Variants in TAF10 observed in about 807,000 individuals in gnomAD.
The protein encoded by TAF10 is TATA-box binding protein associated factor 10.
In TAF10, 2 loss-of-function variants were observed where a neutral mutation model predicts 18.1. That is an observed-to-expected ratio of 0.11 (90% CI 0.05 to 0.35). TAF10 has a LOEUF of 0.35. TAF10 is among the 10% of genes least tolerant of loss of function. TAF10 has a pLI of 1.00. For missense variants in TAF10, 293 were observed against 306.9 expected, an observed-to-expected ratio of 0.95 and a Z score of 0.34; for synonymous variants, 158 against 134.6, an observed-to-expected ratio of 1.17 and a Z score of -1.20.
Position 6,608,596 on chromosome 11 carries a change from C to CTTA in TAF10, c.*2323_*2325dup, listed in dbSNP as rs1855179072. ...ATTCTGTCAGTACTACTGTGTGACA[C>CTTA]TTACAGGATTAAGTTCTACATTTGT... is the stretch of plus-strand genomic sequence containing the variant. On this transcript the variant is annotated 3_prime_UTR_variant, in exon 5 of 5. Coordinates refer to ENST00000299424, the MANE Select transcript of TAF10 (RefSeq NM_006284.4). This position sits in a 1 kb window ranked among gnomAD's most constrained non-coding sequence, Gnocchi z 4.9. 1 of 1,340,728 alleles carries CTTA rather than the reference C, an allele frequency of 7.5e-7. No homozygotes were observed. Among genetic ancestry groups the CTTA allele is most frequent in the Non-Finnish European group, 1.1e-6 (1 of 930,960 alleles). 83.1% of individuals were successfully genotyped at this position (1,340,728 alleles called of 1,614,324 possible).
intron 2 of TAF10, 92 bp downstream of exon 2, chr11:6,611,572 T>C: frequency 6.3e-7 from 1 of 1,590,258 alleles, no homozygotes; most frequent in African/African-American, 1.3e-5. Context: ...GAAGAGCGAC[T>C]AGGGGAGCAA....
At chr11:6,611,053 C>T (rs759171209) in intron 4 of TAF10, 42 bp from the exon 5 acceptor site, 25 of 1,608,498 alleles carry the variant, frequency 1.6e-5, no homozygotes, top group East Asian at 4.5e-5. Context: ...ACAGGAATCC[C>T]GGACTTCAAT....
chr11:6,608,728 G>T lies in TAF10; in HGVS notation c.*2194C>A. 1 of 1,614,102 alleles carries T rather than the reference G, an allele frequency of 6.2e-7. No homozygotes were observed. The highest frequency in any genetic ancestry group is 8.5e-7 in the Non-Finnish European group (1 of 1,179,966). ...GCAAATGGGGCCCTTGTCAGCATCT[G>T]TAACAAGTATGGAGAGATGCCTGTG... On this transcript the variant is annotated 3_prime_UTR_variant, in exon 5 of 5. Coordinates refer to ENST00000299424, the MANE Select transcript of TAF10 (RefSeq NM_006284.4). This position sits in a 1 kb window ranked among gnomAD's most constrained non-coding sequence, Gnocchi z 4.9.
In TAF10 at chr11:6,609,063, ACT is replaced by A. The variant is rs1564846869; in HGVS notation, c.*1857_*1858del. On this transcript the variant is annotated 3_prime_UTR_variant, in exon 5 of 5. Transcript: ENST00000299424. ...GAAGCTGGGTACCTGACCTGCCCACACTCTTAGGAAATGGAACCCTGAACAAA... is the reference window on the plus strand; with the variant it reads ...GAAGCTGGGTACCTGACCTGCCCACACTTAGGAAATGGAACCCTGAACAAA... 6.2e-7 allele frequency: 1 copy of A among 1,613,742 alleles called. No individual in the cohort carries two copies. The highest frequency in any genetic ancestry group is 8.5e-7 in the Non-Finnish European group (1 of 1,179,726).
At position 6,609,222 on chromosome 11, in the gene TAF10, T is replaced by G; in HGVS notation, c.*1700A>C. On this transcript the variant is annotated 3_prime_UTR_variant, in exon 5 of 5. Transcript: ENST00000299424. ...ATAAATTACTTGCTTTGTACCTGTT[T>G]TAAGTTTTTCCTCCAGTTAGTGGGC... 1 of 1,602,580 alleles carries G rather than the reference T, an allele frequency of 6.2e-7. No homozygotes were observed. The highest frequency in any genetic ancestry group is 2.2e-5 in the East Asian group (1 of 44,810).
rs1855067969 is a variant in TAF10 at position 6,607,706 on chromosome 11, A to G, written c.*3216T>C. 8.3e-6 allele frequency: 3 copies of G among 360,848 alleles called. No homozygotes were observed. Among genetic ancestry groups the G allele is most frequent in the African/African-American group, 2.1e-5 (1 of 47,714 alleles). The allele number at this position is 360,848 out of a possible 1,614,324, so 22.4% of individuals were successfully genotyped here. A position where few individuals can be genotyped will look rare whatever the true frequency, so the allele number is the denominator to read the frequency against. ...AACAAGTGCTGAAGTAGGGGGACATATAAGATGTGGTGGAAAACAGAAAGG... is the reference window on the plus strand; with the variant it reads ...AACAAGTGCTGAAGTAGGGGGACATGTAAGATGTGGTGGAAAACAGAAAGG... On this transcript the variant is annotated 3_prime_UTR_variant, in exon 5 of 5. Transcript: ENST00000299424.
rs1855481935 is a variant in TAF10, at chr11:6,612,101, G to T, written c.89C>A (p.Pro30His). The T allele has an allele frequency of 4.9e-6, 6 of 1,226,730 alleles. No individual in the cohort carries two copies. In the South Asian group the frequency reaches 1.9e-4, roughly 39 times the overall value. The allele number at this position is 1,226,730 out of a possible 1,614,324, so 76.0% of individuals were successfully genotyped here. Residue 30 changes from proline (P) to histidine (H), a missense_variant, in exon 1 of 5, where the codon CCC (proline) becomes CAC (histidine). Coordinates refer to ENST00000299424, the MANE Select transcript of TAF10 (RefSeq NM_006284.4). The part of the protein sequence containing the change: ...APGPAPPVSA[P>H]AALPSSTAAE... ...GGCGGTGCTGGAGGGCAGCGCGGCGGGAGCCGAGACCGGGGGCGCGGGGCC... is the reference window on the plus strand; with the variant it reads ...GGCGGTGCTGGAGGGCAGCGCGGCGTGAGCCGAGACCGGGGGCGCGGGGCC...
In TAF10 at chr11:6,610,830, G is replaced by A; in HGVS notation, c.*92C>T. The A allele has an allele frequency of 1.3e-6, 2 of 1,483,148 alleles. No individual in the cohort carries two copies. Among genetic ancestry groups the A allele is most frequent in the East Asian group, 2.3e-5 (1 of 44,216 alleles). 91.9% of individuals were successfully genotyped at this position (1,483,148 alleles called of 1,614,324 possible). ...CCACATGGTGTCTCCCAACATGGGA[G>A]GGATCAGCCCCGCCTGTCACAATAA... On this transcript the variant is annotated 3_prime_UTR_variant, in exon 5 of 5. Coordinates refer to ENST00000299424, the MANE Select transcript of TAF10 (RefSeq NM_006284.4).
In TAF10 at chr11:6,609,776, G is replaced by A. The variant is rs372479913; in HGVS notation, c.*1146C>T. The A allele has an allele frequency of 1.9e-5, 30 of 1,614,062 alleles. No individual in the cohort carries two copies. Among genetic ancestry groups the A allele is most frequent in the Non-Finnish European group, 2.4e-5 (28 of 1,180,034 alleles). ...TGAAGTTTGCTTTGGACATGGCAAG[G>A]GGCATGGCCTTCCTACACACACTAG... On this transcript the variant is annotated 3_prime_UTR_variant, in exon 5 of 5. Coordinates refer to ENST00000299424, the MANE Select transcript of TAF10 (RefSeq NM_006284.4).
chr11:6,609,598 T>C lies in TAF10; in HGVS notation c.*1324A>G, dbSNP rs1244048050. 5 of 1,614,088 alleles carry C rather than the reference T, an allele frequency of 3.1e-6. No homozygotes were observed. Among genetic ancestry groups the C allele is most frequent in the Non-Finnish European group, 4.2e-6 (5 of 1,180,048 alleles). ...CATCCTACTCTCATCACACACTGGATGCCGTATGGATCCCTCTACAATGTA... is the reference window on the plus strand; with the variant it reads ...CATCCTACTCTCATCACACACTGGACGCCGTATGGATCCCTCTACAATGTA... On this transcript the variant is annotated 3_prime_UTR_variant, in exon 5 of 5. Transcript: ENST00000299424.
rs183160844 is a variant in TAF10, at chr11:6,609,011, C to T, written c.*1911G>A. 314 of 1,612,642 alleles carry T rather than the reference C, an allele frequency of 1.9e-4. 2 individuals carry two copies. The African/African-American group carries it at 3.6e-3, about 19-fold the overall frequency. Reference sequence around the variant, plus strand: ...AAGAAGGGTTGTAAAAGGAAATAATCCTGGCCTCTTGGGGCTGGGTTAGGG... The same window carrying T: ...AAGAAGGGTTGTAAAAGGAAATAATTCTGGCCTCTTGGGGCTGGGTTAGGG... On this transcript the variant is annotated 3_prime_UTR_variant, in exon 5 of 5. Coordinates refer to ENST00000299424, the MANE Select transcript of TAF10 (RefSeq NM_006284.4).
Position 6,609,327 on chromosome 11 carries a change from A to G in TAF10, c.*1595T>C, listed in dbSNP as rs576804127. ...TGGAAGGGCCGCTGGCAGGGCAATG[A>G]CATTGTCGTGAAGGTGCTGAAGGTT... On this transcript the variant is annotated 3_prime_UTR_variant, in exon 5 of 5. Coordinates refer to ENST00000299424, the MANE Select transcript of TAF10 (RefSeq NM_006284.4). The G allele has an allele frequency of 6.8e-6, 11 of 1,614,148 alleles. No individual in the cohort carries two copies. Among genetic ancestry groups the G allele is most frequent in the Non-Finnish European group, 9.3e-6 (11 of 1,180,022 alleles).
rs1855090341 is a variant in TAF10, at chr11:6,607,924, T to G, written c.*2998A>C. On this transcript the variant is annotated 3_prime_UTR_variant, in exon 5 of 5. Coordinates refer to ENST00000299424, the MANE Select transcript of TAF10 (RefSeq NM_006284.4). The stretch of plus-strand genomic sequence containing the variant: ...CAGCTTTGGGAGTTGCTGGCATGAA[T>G]GAGAATCAAAGTCCTAGAGAGGTAA... 47 of 1,026,504 alleles carry G rather than the reference T, an allele frequency of 4.6e-5. No homozygotes were observed. Among genetic ancestry groups the G allele is most frequent in the Non-Finnish European group, 6.3e-5 (43 of 681,876 alleles). The allele number at this position is 1,026,504 out of a possible 1,614,324, so 63.6% of individuals were successfully genotyped here. A position where few individuals can be genotyped will look rare whatever the true frequency, so the allele number is the denominator to read the frequency against.
rs758462999 is a variant in TAF10, at chr11:6,609,316, G to T, written c.*1606C>A. The T allele has an allele frequency of 1.4e-5, 23 of 1,614,150 alleles. No individual in the cohort carries two copies. The highest frequency in any genetic ancestry group is 1.8e-5 in the Non-Finnish European group (21 of 1,180,026). ...TCCTGCAGCTATGGAAGGGCCGCTG[G>T]CAGGGCAATGACATTGTCGTGAAGG... is the stretch of plus-strand genomic sequence containing the variant. On this transcript the variant is annotated 3_prime_UTR_variant, in exon 5 of 5. Transcript: ENST00000299424.
chr11:6,606,427 T>C lies in TAF10; in HGVS notation c.*4495A>G, dbSNP rs904688221. ...GTTCTACACTATTTCTCTTTAATAC[T>C]TTGCAAAGTCATTTGTTCCATTTTT... On this transcript the variant is annotated 3_prime_UTR_variant, in exon 5 of 5. Transcript: ENST00000299424. 1.3e-5 allele frequency: 2 copies of C among 152,228 alleles called. No individual in the cohort carries two copies. The highest frequency in any genetic ancestry group is 2.9e-5 in the Non-Finnish European group (2 of 68,038). The allele number at this position is 152,228 out of a possible 1,614,324, so 9.4% of individuals were successfully genotyped here.
At position 6,611,791 on chromosome 11, in the gene TAF10, G is replaced by T. The variant is rs775610021; in HGVS notation, c.260C>A (p.Pro87His). 11 of 1,603,588 alleles carry T rather than the reference G, an allele frequency of 6.9e-6. 1 individual carries two copies. The East Asian group carries it at 2.0e-4, about 29-fold the overall frequency. ...CCCGTTAGATATGGCCCCCTCCGGG[G>T]GCGCCGCGCCACCCGCCGACACCGG... ...AAPVSAGGAA[P>H]PEGAISNGVY... Residue 87 changes from proline (P) to histidine (H), a missense_variant, in exon 2 of 5, where the codon CCC becomes CAC. Physicochemically the swap from Pro to His is moderately conservative, Grantham distance 77. Coordinates refer to ENST00000299424, the MANE Select transcript of TAF10 (RefSeq NM_006284.4).
At position 6,608,948 on chromosome 11, in the gene TAF10, G is replaced by T; in HGVS notation, c.*1974C>A. The T allele has an allele frequency of 6.2e-7, 1 of 1,614,214 alleles. No homozygotes were observed. The highest frequency in any genetic ancestry group is 8.5e-7 in the Non-Finnish European group (1 of 1,180,036). On this transcript the variant is annotated 3_prime_UTR_variant, in exon 5 of 5. Transcript: ENST00000299424. This position sits in a 1 kb window ranked among gnomAD's most constrained non-coding sequence, Gnocchi z 4.9. ...CATACAAGGACACATTCTGGAAGGGGACCACCCGCACTCGGCCCCGTGAGT... is the reference window on the plus strand; with the variant it reads ...CATACAAGGACACATTCTGGAAGGGTACCACCCGCACTCGGCCCCGTGAGT...
At position 6,606,409 on chromosome 11, in the gene TAF10, A is replaced by C. The variant is rs1259454859; in HGVS notation, c.*4513T>G. On this transcript the variant is annotated 3_prime_UTR_variant, in exon 5 of 5. Transcript: ENST00000299424. ...TTCACTGGTTCCCATTAGGTTCTAC[A>C]CTATTTCTCTTTAATACTTTGCAAA... is the stretch of plus-strand genomic sequence containing the variant. 1 of 152,218 alleles carries C rather than the reference A, an allele frequency of 6.6e-6. No individual in the cohort carries two copies. Among genetic ancestry groups the C allele is most frequent in the Non-Finnish European group, 1.5e-5 (1 of 68,016 alleles). The allele number at this position is 152,218 out of a possible 1,614,324, so 9.4% of individuals were successfully genotyped here.
rs927377191 is a variant in TAF10, at chr11:6,606,618, G to A, written c.*4304C>T. The A allele has an allele frequency of 1.3e-5, 2 of 152,228 alleles. No homozygotes were observed. Among genetic ancestry groups the A allele is most frequent in the African/African-American group, 2.4e-5 (1 of 41,430 alleles). 9.4% of individuals were successfully genotyped at this position (152,228 alleles called of 1,614,324 possible). ...AGATGCTGCCAGAAGGAAAAGGGGTGGAATTAATGAAACTGGAAGGTTGTG... is the reference window on the plus strand; with the variant it reads ...AGATGCTGCCAGAAGGAAAAGGGGTAGAATTAATGAAACTGGAAGGTTGTG... On this transcript the variant is annotated 3_prime_UTR_variant, in exon 5 of 5. Transcript: ENST00000299424.
Sources: allele counts gnomAD v4.1 joint callset, GRCh38; gene constraint gnomAD v4.1.1; non-coding constraint Gnocchi (gnomAD v3.1); transcripts MANE v1.5; gene names NCBI Gene and HGNC (gene_info 2026-07-23, HGNC 2026-07-21).